Variants in ACVR1 observed in about 807,000 individuals in gnomAD.
ACVR1 encodes activin A receptor type 1.
In ACVR1, 38 loss-of-function variants were observed where a neutral mutation model predicts 57.1. The observed-to-expected ratio is 0.67, with a 90% CI of 0.51 to 0.87. The LOEUF is 0.87. Among genes scored for constraint, ACVR1 ranks in the 40% least tolerant of loss-of-function variants. ACVR1 has a pLI of 0.00. For synonymous variants in ACVR1, 212 were observed against 228.1 expected (o/e 0.93, Z 0.63); for missense variants, 463 against 638.2 (o/e 0.73, Z 2.96).
At position 157,766,226 on chromosome 2, in the gene ACVR1, C is replaced by A; in HGVS notation, c.791-30G>T. 1.9e-6 allele frequency: 3 copies of A among 1,608,760 alleles called. No individual in the cohort carries two copies. In the South Asian group the frequency reaches 3.3e-5, roughly 18 times the overall value. On this transcript the variant is annotated intron_variant, in intron 7 of 10. Transcript: ENST00000434821. ...AGAGAGCAAGAAAAAAATTAATATACATGAGGATTCCACATTATAACTTAA... is the reference window on the plus strand; with the variant it reads ...AGAGAGCAAGAAAAAAATTAATATAAATGAGGATTCCACATTATAACTTAA...
Position 157,796,111 on chromosome 2 carries a change from A to G in ACVR1, c.67+3316T>C, listed in dbSNP as rs1687107378. 2.0e-5 allele frequency among the ~76,000 whole-genome samples: 3 copies of G among 151,508 alleles called. No individual in the cohort carries two copies. In the South Asian group the frequency reaches 6.2e-4, roughly 32 times the overall value. On this transcript the variant is annotated intron_variant, in intron 3 of 10. Transcript: ENST00000434821. ...TGGTTCCCTGCCTGTGGTCCCAGCT[A>G]CTTGGGAGGCTGAGACAGGAGGAAT... is the stretch of plus-strand genomic sequence containing the variant.
At chr2:157,847,786 T>C (rs7603425) in intron 1 of ACVR1, among the ~76,000 whole-genome samples, 4,931 of 152,198 alleles carry the variant, frequency 0.032, 256 homozygotes, top group African/African-American at 0.11. Context: ...GGATGAGACA[T>C]GACAAAGACT....
chr2:157,810,893 T>C (rs772892081), intron 2 of ACVR1, among the ~76,000 whole-genome samples: 6 of 152,218 alleles, frequency 3.9e-5, no homozygotes, highest in Non-Finnish European at 7.3e-5. Flanking sequence ...ATACCCCTTG[T>C]TAAGGTTCTA....
intron 3 of ACVR1, among the ~76,000 whole-genome samples, chr2:157,795,611 A>C (rs1489229946): frequency 6.6e-6 from 1 of 152,154 alleles, no homozygotes; most frequent in Non-Finnish European, 1.5e-5. Flanking sequence ...GTGGTATATT[A>C]AATAGCAAAA....
chr2:157,767,404 A>T (rs1685907347), intron 7 of ACVR1, among the ~76,000 whole-genome samples: 1 of 152,086 alleles, frequency 6.6e-6, no homozygotes, highest in Non-Finnish European at 1.5e-5. Flanking sequence ...AGTTAGGGGC[A>T]CTTCCTATCT....
chr2:157,797,566 C>T (rs992480553), intron 3 of ACVR1, among the ~76,000 whole-genome samples: 8 of 152,136 alleles, frequency 5.3e-5, no homozygotes, highest in African/African-American at 1.9e-4. Context: ...ATGTTAAAAG[C>T]AATTACATGT....
intron 2 of ACVR1, among the ~76,000 whole-genome samples, chr2:157,811,948 A>G (rs1049389861): frequency 6.6e-6 from 1 of 152,250 alleles, no homozygotes. Flanking sequence ...CCTATGAAGT[A>G]TTCTATCACC....
intron 1 of ACVR1, among the ~76,000 whole-genome samples, chr2:157,845,486 A>G (rs947256173): frequency 3.3e-5 from 5 of 152,076 alleles, no homozygotes; most frequent in African/African-American, 1.2e-4. Context: ...GAAAGGAGCT[A>G]GGAAAGAGTC....
At chr2:157,755,058 A>G (rs1685367939) in intron 9 of ACVR1, among the ~76,000 whole-genome samples, 1 of 152,204 alleles carries the variant, frequency 6.6e-6, no homozygotes, top group Non-Finnish European at 1.5e-5. Context: ...AAAATCCAGC[A>G]TCCCTTTATG....
At chr2:157,806,498 G>A (rs1000900535) in intron 2 of ACVR1, among the ~76,000 whole-genome samples, 4 of 152,194 alleles carry the variant, frequency 2.6e-5, no homozygotes, top group East Asian at 1.9e-4. Context: ...AAGGGAAATT[G>A]TAGACATGAA....
In ACVR1 at chr2:157,760,991, C is replaced by T. The variant is rs1034717563; in HGVS notation, c.1153G>A (p.Glu385Lys). 1.9e-6 allele frequency: 3 copies of T among 1,614,088 alleles called. No homozygotes were observed. The highest frequency in any genetic ancestry group is 2.5e-6 in the Non-Finnish European group (3 of 1,180,002). Residue 385 changes from glutamate (E) to lysine (K), a missense_variant, in exon 9 of 11, where the codon GAA (glutamate) becomes AAA (lysine). By Grantham distance (56) the Glu-to-Lys change is moderately conservative (BLOSUM62 1). Coordinates refer to ENST00000434821, the MANE Select transcript of ACVR1 (RefSeq NM_001111067.4). ...ACCTGGATGGTTTCATCTAGAACTT[C>T]GGGGGCCATGTAGCGCTTGGTGCCC... is the stretch of plus-strand genomic sequence containing the variant. ...RVGTKRYMAPEVLDETIQVDC... is the reference protein window; with the variant it reads ...RVGTKRYMAPKVLDETIQVDC...
intron 1 of ACVR1, among the ~76,000 whole-genome samples, chr2:157,863,448 G>A (rs150304307): frequency 8.1e-6 from 1 of 122,956 alleles, no homozygotes; most frequent in Non-Finnish European, 1.6e-5. Flanking sequence ...TGTAATCCCA[G>A]CACTTTGGGA....
At chr2:157,852,504 A>G (rs927157030) in intron 1 of ACVR1, among the ~76,000 whole-genome samples, 2 of 143,908 alleles carry the variant, frequency 1.4e-5, no homozygotes, top group African/African-American at 2.5e-5. Context: ...GTCTCAAAAA[A>G]AAAAAAAAGA....
At chr2:157,826,250 G>A (rs983900640) in intron 1 of ACVR1, among the ~76,000 whole-genome samples, 4 of 152,250 alleles carry the variant, frequency 2.6e-5, no homozygotes, top group African/African-American at 4.8e-5. Flanking sequence ...AAACTTCAAC[G>A]AGGAGCCTCT....
At chr2:157,798,917 G>A (rs956777486) in intron 3 of ACVR1, among the ~76,000 whole-genome samples, 1 of 151,454 alleles carries the variant, frequency 6.6e-6, no homozygotes, top group Non-Finnish European at 1.5e-5. Flanking sequence ...TTATTTTTGA[G>A]ACAGAGTCTC....
At chr2:157,857,354 A>G (rs1558849998) in intron 1 of ACVR1, among the ~76,000 whole-genome samples, 1 of 152,008 alleles carries the variant, frequency 6.6e-6, no homozygotes, top group Non-Finnish European at 1.5e-5. Flanking sequence ...GGTCTCAACA[A>G]TGAACACATG....
intron 3 of ACVR1, among the ~76,000 whole-genome samples, chr2:157,791,281 A>G (rs1342305836): frequency 2.6e-5 from 4 of 152,224 alleles, no homozygotes; most frequent in Non-Finnish European, 5.9e-5. Flanking sequence ...GACTAAAAGA[A>G]CATAAGTTTG....
intron 1 of ACVR1, among the ~76,000 whole-genome samples, chr2:157,839,266 T>C (rs1423440092): frequency 6.6e-6 from 1 of 152,182 alleles, no homozygotes; most frequent in African/African-American, 2.4e-5. Context: ...GGTCTCGCCT[T>C]TCTATTGTCC....
chr2:157,771,528 T>C (rs1322336275), intron 6 of ACVR1, among the ~76,000 whole-genome samples: 1 of 152,160 alleles, frequency 6.6e-6, no homozygotes, highest in Admixed American at 6.6e-5. Context: ...GAGATATAAC[T>C]TGCAGGGCAG....
Sources: gnomAD v4.1 joint callset for allele counts (sites outside exome capture counted in the v4.1 genomes callset) on GRCh38, gnomAD v4.1.1 for gene constraint, MANE v1.5 for transcripts, NCBI Gene and HGNC (gene_info 2026-07-23, HGNC 2026-07-21) for gene names.